DGKB: variants seen among roughly 807,000 people sequenced by gnomAD.
The protein encoded by DGKB is 90 kDa diacylglycerol kinase.
DGKB carries 67 observed loss-of-function variants against 114.3 expected under a neutral mutation model. The ratio of observed to expected loss-of-function variants is 0.59; its 90% CI spans 0.48 to 0.72. The LOEUF (loss-of-function observed/expected upper bound fraction) is 0.72. Among genes scored for constraint, DGKB ranks in the 30% least tolerant of loss-of-function variants. DGKB has a pLI of 0.00. For synonymous variants in DGKB, 398 were observed against 323.1 expected (o/e 1.23, Z -2.49); for missense variants, 907 against 975.2 (o/e 0.93, Z 0.93).
intron 2 of DGKB, among the ~76,000 whole-genome samples, chr7:14,818,861 G>A (rs771857847): frequency 1.3e-5 from 2 of 152,148 alleles, no homozygotes; most frequent in Non-Finnish European, 2.9e-5. Context: ...GAGAAAAAAC[G>A]ATAGAGAGGA....
intron 21 of DGKB, among the ~76,000 whole-genome samples, chr7:14,372,788 T>G (rs1165981110): frequency 6.6e-6 from 1 of 152,144 alleles, no homozygotes; most frequent in Non-Finnish European, 1.5e-5. Flanking sequence ...TTTCAAACAT[T>G]TTAGCTCTAG....
chr7:14,848,676 T>C (rs1411638063), intron 1 of DGKB, among the ~76,000 whole-genome samples: 1 of 152,216 alleles, frequency 6.6e-6, no homozygotes, highest in Non-Finnish European at 1.5e-5. Context: ...GTACTTCTTC[T>C]TGTCTTCAGA....
At chr7:14,187,889 A>G (rs1783681059) in intron 23 of DGKB, among the ~76,000 whole-genome samples, 1 of 152,208 alleles carries the variant, frequency 6.6e-6, no homozygotes, top group Admixed American at 6.5e-5. Context: ...ATAAATTCAA[A>G]ATTATGATTT....
At chr7:14,268,416 C>T (rs10263173) in intron 23 of DGKB, among the ~76,000 whole-genome samples, 84,817 of 151,992 alleles carry the variant, frequency 0.56, 26,370 homozygotes, top group East Asian at 0.99. Flanking sequence ...ATTTTAGTAT[C>T]CAGATATACC....
chr7:14,662,601 T>A (rs1817347942), intron 13 of DGKB, among the ~76,000 whole-genome samples: 1 of 151,970 alleles, frequency 6.6e-6, no homozygotes, highest in South Asian at 2.1e-4. Flanking sequence ...CAGTTTCAAC[T>A]AAAATATGAC....
At chr7:14,164,730 T>G (rs926696357) in intron 25 of DGKB, among the ~76,000 whole-genome samples, 1 of 152,194 alleles carries the variant, frequency 6.6e-6, no homozygotes, top group Non-Finnish European at 1.5e-5. Flanking sequence ...ACTGTCCCAC[T>G]GTAGAATAAC....
At chr7:14,192,250 A>T (rs1442212623) in intron 23 of DGKB, 1 of 205,250 alleles carries the variant, frequency 4.9e-6, no homozygotes, top group African/African-American at 2.3e-5. Context: ...CAAACTGAAA[A>T]ACAAATTCAC....
intron 1 of DGKB, among the ~76,000 whole-genome samples, chr7:14,848,570 T>C (rs1848943462): frequency 6.6e-6 from 1 of 152,206 alleles, no homozygotes; most frequent in Non-Finnish European, 1.5e-5. Context: ...TTGCCTGATG[T>C]GGTGACAAAA....
At chr7:14,510,278 CTG>C (rs1358734305) in intron 20 of DGKB, among the ~76,000 whole-genome samples, 1 of 152,208 alleles carries the variant, frequency 6.6e-6, no homozygotes, top group East Asian at 1.9e-4. Context: ...TCTTTCAAAA[CTG>C]GGGTCAGTCT....
chr7:14,785,053 A>T (rs1349704120), intron 2 of DGKB, among the ~76,000 whole-genome samples: 1 of 152,164 alleles, frequency 6.6e-6, no homozygotes, highest in East Asian at 1.9e-4. Flanking sequence ...GGAGGTCACA[A>T]CGTGCTTTCT....
chr7:14,802,953 T>C (rs1159753299), intron 2 of DGKB, among the ~76,000 whole-genome samples: 1 of 132,900 alleles, frequency 7.5e-6, no homozygotes, highest in Non-Finnish European at 1.6e-5. Context: ...CAATTAAAAA[T>C]AATTAAAAAA....
intron 13 of DGKB, among the ~76,000 whole-genome samples, chr7:14,669,711 C>G (rs1391195242): frequency 1.3e-5 from 2 of 152,132 alleles, no homozygotes; most frequent in Non-Finnish European, 2.9e-5. Flanking sequence ...TGAGCTCCTA[C>G]AGGAGGCCCC....
At chr7:14,557,301 A>G (rs1169302002) in intron 20 of DGKB, among the ~76,000 whole-genome samples, 5 of 152,204 alleles carry the variant, frequency 3.3e-5, no homozygotes. Context: ...AACACAGATG[A>G]TATACTTATT....
At chr7:14,728,239 T>C (rs1311364225) in intron 5 of DGKB, among the ~76,000 whole-genome samples, 1 of 152,220 alleles carries the variant, frequency 6.6e-6, no homozygotes, top group Non-Finnish European at 1.5e-5. Context: ...AAATATCTTC[T>C]GGACCCTTTT....
chr7:14,858,348 T>C (rs565911621), intron 1 of DGKB, among the ~76,000 whole-genome samples: 11 of 152,268 alleles, frequency 7.2e-5, no homozygotes, highest in Non-Finnish European at 1.6e-4. Flanking sequence ...TAAATAGTAA[T>C]ACACATCAAA....
rs144428634 is a variant in DGKB, at chr7:14,835,260, G to C, written c.70+5934C>G. The stretch of plus-strand genomic sequence containing the variant: ...TCAGATAAGTGTTTTAACTGAAAAG[G>C]CTTAAATATTTTAAAAGTCCACATT... On this transcript the variant is annotated intron_variant, in intron 2 of 25. Transcript: ENST00000402815. Among the ~76,000 whole-genome samples the C allele has an allele frequency of 7.4e-4, 113 of 152,246 alleles. 3 individuals carry two copies. In the East Asian group the frequency reaches 0.021, roughly 29 times the overall value.
intron 22 of DGKB, among the ~76,000 whole-genome samples, chr7:14,339,042 G>C (rs1255037219): frequency 6.6e-6 from 1 of 151,898 alleles, no homozygotes; most frequent in African/African-American, 2.4e-5. Flanking sequence ...GTTACAAAAA[G>C]GTTAATTCTG....
intron 21 of DGKB, among the ~76,000 whole-genome samples, chr7:14,416,242 T>C (rs186912543): frequency 1.1e-4 from 17 of 152,174 alleles, no homozygotes; most frequent in Non-Finnish European, 1.6e-4. Flanking sequence ...TTATATAGGG[T>C]TTAGCTTTTG....
chr7:14,705,243 T>C (rs1374803985), intron 6 of DGKB, among the ~76,000 whole-genome samples: 2 of 151,376 alleles, frequency 1.3e-5, no homozygotes, highest in East Asian at 3.9e-4. Flanking sequence ...ATGAATGAAA[T>C]GAAGCGAGAA....
Sources: gnomAD v4.1 joint callset for allele counts (sites outside exome capture counted in the v4.1 genomes callset) on GRCh38, gnomAD v4.1.1 for gene constraint, MANE v1.5 for transcripts, NCBI Gene and HGNC (gene_info 2026-07-23, HGNC 2026-07-21) for gene names.